CDK6: variants seen among roughly 807,000 people sequenced by gnomAD.
CDK6 encodes cyclin-dependent kinase 6.
A neutral mutation model predicts 37.1 loss-of-function variants in CDK6; 6 were observed. That is an observed-to-expected ratio of 0.16 (90% confidence interval 0.09 to 0.32). The LOEUF is 0.32. CDK6 is among the 10% of genes least tolerant of loss of function. CDK6 has a pLI of 1.00. For synonymous variants in CDK6, 160 were observed against 161.3 expected, an observed-to-expected ratio of 0.99 and a Z score of 0.06; for missense variants, 224 against 418.9, an observed-to-expected ratio of 0.53 and a Z score of 4.06.
chr7:92,749,364 C>G lies in CDK6; in HGVS notation c.370-23571G>C, dbSNP rs555170452. ...TGGTAGTGTGCACCTGTAGTTTCAG[C>G]TACTTGGGAGGATTGCTTCAGCCCA... is the stretch of plus-strand genomic sequence containing the variant. On this transcript the variant is annotated intron_variant, in intron 3 of 7. Transcript: ENST00000424848. Among the ~76,000 whole-genome samples, 10 of 152,182 alleles carry G rather than the reference C, an allele frequency of 6.6e-5. No individual in the cohort carries two copies. In the South Asian group the frequency reaches 2.1e-3, roughly 32 times the overall value.
At chr7:92,765,963 C>A (rs1271177115) in intron 3 of CDK6, among the ~76,000 whole-genome samples, 1 of 151,950 alleles carries the variant, frequency 6.6e-6, no homozygotes, top group East Asian at 1.9e-4. Flanking sequence ...CGGACAAATG[C>A]CGAGCTAGAA....
intron 4 of CDK6, among the ~76,000 whole-genome samples, chr7:92,704,376 T>G (rs1797923131): frequency 6.6e-6 from 1 of 152,196 alleles, no homozygotes; most frequent in Admixed American, 6.5e-5. Context: ...TTTAATGATG[T>G]GATAGCTACT....
intron 4 of CDK6, among the ~76,000 whole-genome samples, chr7:92,690,183 C>T (rs997959777): frequency 6.6e-6 from 1 of 152,126 alleles, no homozygotes; most frequent in Non-Finnish European, 1.5e-5. Flanking sequence ...GAGTCTTTGT[C>T]ATGAAATCTT....
At chr7:92,697,106 G>A (rs1365640279) in intron 4 of CDK6, among the ~76,000 whole-genome samples, 1 of 152,142 alleles carries the variant, frequency 6.6e-6, no homozygotes, top group Non-Finnish European at 1.5e-5. Flanking sequence ...ACTAATAATT[G>A]GCTCTTAATA....
At chr7:92,729,613 T>C (rs1197179921) in intron 3 of CDK6, among the ~76,000 whole-genome samples, 8 of 152,240 alleles carry the variant, frequency 5.3e-5, no homozygotes, top group African/African-American at 1.9e-4. Flanking sequence ...CAAGAAATCC[T>C]TGAAGTCTTG....
At chr7:92,717,367 A>AAAGGGG (rs557818297) in intron 4 of CDK6, among the ~76,000 whole-genome samples, 18 of 145,114 alleles carry the variant, frequency 1.2e-4, no homozygotes, top group Non-Finnish European at 2.0e-4. Context: ...AAGGAAAGGG[A>AAAGGGG]AAGGGGAAGG....
intron 3 of CDK6, among the ~76,000 whole-genome samples, chr7:92,753,516 G>A (rs897436515): frequency 2.6e-5 from 4 of 151,940 alleles, no homozygotes; most frequent in African/African-American, 4.8e-5. Flanking sequence ...TTTTTGAGAC[G>A]GAGTCTTGCT....
At chr7:92,682,558 T>C (rs1797361516) in intron 4 of CDK6, among the ~76,000 whole-genome samples, 1 of 152,208 alleles carries the variant, frequency 6.6e-6, no homozygotes, top group African/African-American at 2.4e-5. Flanking sequence ...GCCAGCCCTT[T>C]GAGGGTAGAG....
At chr7:92,821,448 T>C (rs1038637114) in intron 2 of CDK6, among the ~76,000 whole-genome samples, 2 of 152,106 alleles carry the variant, frequency 1.3e-5, no homozygotes, top group Non-Finnish European at 2.9e-5. Context: ...AGCCCCTACA[T>C]GTTGGAGTAA....
At position 92,618,758 on chromosome 7, in the gene CDK6, C is replaced by T. The variant is rs913470680; in HGVS notation, c.699-551G>A. On this transcript the variant is annotated intron_variant, in intron 6 of 7. Coordinates refer to ENST00000424848, the MANE Select transcript of CDK6 (RefSeq NM_001145306.2). ...ATCAGAAGGAAAAATGAGGCTAAAA[C>T]GTGCTAGTCCTGCATTATACAAACA... Among the ~76,000 whole-genome samples, 9 of 152,126 alleles carry T rather than the reference C, an allele frequency of 5.9e-5. No homozygotes were observed. The South Asian group carries it at 6.2e-4, about 11-fold the overall frequency.
At chr7:92,626,749 A>G (rs1305787452) in intron 5 of CDK6, among the ~76,000 whole-genome samples, 1 of 152,054 alleles carries the variant, frequency 6.6e-6, no homozygotes, top group African/African-American at 2.4e-5. Flanking sequence ...TGGAAATGTG[A>G]ACATGACTTG....
chr7:92,818,920 T>C (rs1224420704), intron 2 of CDK6, among the ~76,000 whole-genome samples: 1 of 151,974 alleles, frequency 6.6e-6, no homozygotes, highest in Non-Finnish European at 1.5e-5. Flanking sequence ...AGATTGACAG[T>C]CCCAAGTGTT....
intron 3 of CDK6, among the ~76,000 whole-genome samples, chr7:92,767,563 T>C (rs962013047): frequency 6.6e-6 from 1 of 152,170 alleles, no homozygotes; most frequent in African/African-American, 2.4e-5. Context: ...CCCCCTGAAT[T>C]TGGAATATAC....
chr7:92,817,263 AAT>A (rs764652300), intron 2 of CDK6, among the ~76,000 whole-genome samples: 27 of 151,980 alleles, frequency 1.8e-4, no homozygotes, highest in Non-Finnish European at 3.2e-4. Flanking sequence ...ATCATTCATG[AAT>A]ATTCTTAACA....
intron 6 of CDK6, among the ~76,000 whole-genome samples, chr7:92,620,066 A>C (rs1222164292): frequency 6.6e-6 from 1 of 152,106 alleles, no homozygotes; most frequent in African/African-American, 2.4e-5. Flanking sequence ...TATATTCACC[A>C]GTCAGCTAGA....
At chr7:92,774,200 G>C (rs887945891) in intron 3 of CDK6, among the ~76,000 whole-genome samples, 2 of 152,092 alleles carry the variant, frequency 1.3e-5, no homozygotes, top group Non-Finnish European at 1.5e-5. Flanking sequence ...AACGTTTTAT[G>C]AATAAGAAAA....
intron 5 of CDK6, among the ~76,000 whole-genome samples, chr7:92,653,439 A>G (rs1450602858): frequency 6.6e-6 from 1 of 152,238 alleles, no homozygotes; most frequent in Admixed American, 6.5e-5. Context: ...CGCTTTGCCA[A>G]TGAATGAAAA....
At chr7:92,784,907 G>A (rs1335010597) in intron 2 of CDK6, among the ~76,000 whole-genome samples, 2 of 152,202 alleles carry the variant, frequency 1.3e-5, no homozygotes, top group African/African-American at 2.4e-5. Flanking sequence ...TTAGGAAAGC[G>A]TGGCATTCTG....
chr7:92,617,374 G>A (rs1795704548), intron 7 of CDK6, among the ~76,000 whole-genome samples: 1 of 152,226 alleles, frequency 6.6e-6, no homozygotes, highest in Non-Finnish European at 1.5e-5. Flanking sequence ...GAGAAGACCT[G>A]TGCTTCACCC....
Sources: allele counts gnomAD v4.1 joint callset (sites outside exome capture counted in the v4.1 genomes callset), GRCh38; gene constraint gnomAD v4.1.1; transcripts MANE v1.5; gene names NCBI Gene and HGNC (gene_info 2026-07-23, HGNC 2026-07-21).